Variants in CIBAR2 observed in about 807,000 individuals in gnomAD.
The protein encoded by CIBAR2 is CBY1-interacting BAR domain-containing protein 2.
CIBAR2 carries 38 observed loss-of-function variants against 36.2 expected under a neutral mutation model. That is an observed-to-expected ratio of 1.05 (90% CI 0.81 to 1.38). CIBAR2 has a LOEUF of 1.38. Among genes scored for constraint, CIBAR2 ranks in the 40% most tolerant of loss-of-function variants. The pLI is 0.00. For synonymous variants in CIBAR2, 182 were observed against 149.5 expected, an observed-to-expected ratio of 1.22 and a Z score of -1.58; for missense variants, 481 against 383.4, an observed-to-expected ratio of 1.25 and a Z score of -2.13.
At chr16:85,104,157 G>A (rs1046046431) in intron 6 of CIBAR2, among the ~76,000 whole-genome samples, 7 of 152,248 alleles carry the variant, frequency 4.6e-5, no homozygotes, top group Admixed American at 2.0e-4. Context: ...GGGTCCGGGT[G>A]ACTTTCCCCA....
At chr16:85,110,671 G>A (rs889738070) in intron 1 of CIBAR2, among the ~76,000 whole-genome samples, 1 of 149,674 alleles carries the variant, frequency 6.7e-6, no homozygotes, top group Non-Finnish European at 1.5e-5. Flanking sequence ...TAGTGGGCAG[G>A]AATATAAATG....
chr16:85,110,167 C>T, intron 2 of CIBAR2, 59 bp downstream of exon 2: 3 of 1,362,106 alleles, frequency 2.2e-6, no homozygotes, highest in Non-Finnish European at 3.0e-6. Flanking sequence ...TCAGGCCTGA[C>T]CTTGGCATTG....
rs199920741 is a variant in CIBAR2, at chr16:85,101,060, A to AG, written c.652-821_652-820insC. Among the ~76,000 whole-genome samples the AG allele has an allele frequency of 1.2e-3, 174 of 150,266 alleles. 1 individual carries two copies. The highest frequency in any genetic ancestry group is 1.8e-3 in the African/African-American group (72 of 40,772). On this transcript the variant is annotated intron_variant, in intron 7 of 8. Transcript: ENST00000539556. ...GACTCCGTCTCAAAAAAAAAAAAAAATGGTGACACTCCCTCTTGGAACCAG... is the reference window on the plus strand; with the variant it reads ...GACTCCGTCTCAAAAAAAAAAAAAAAGTGGTGACACTCCCTCTTGGAACCAG...
chr16:85,107,308 G>A (rs1043576810), intron 5 of CIBAR2, among the ~76,000 whole-genome samples: 2 of 152,092 alleles, frequency 1.3e-5, no homozygotes, highest in Non-Finnish European at 2.9e-5. Flanking sequence ...ACAGCATGCG[G>A]GGTCCCTTCC....
chr16:85,105,242 ATGCACACAGACACGTG>A, intron 6 of CIBAR2, 69 bp downstream of exon 6: 1 of 800,426 alleles, frequency 1.2e-6, no homozygotes, highest in Non-Finnish European at 2.1e-6. Flanking sequence ...ATGCTGAAGC[ATGCACACAGACACGTG>A]TACACACGTG....
chr16:85,106,343 G>T (rs1236169067), intron 5 of CIBAR2, among the ~76,000 whole-genome samples: 1 of 152,150 alleles, frequency 6.6e-6, no homozygotes. Context: ...AAAGATGTCT[G>T]CATCCTAATC....
chr16:85,105,072 C>T (rs1417814665), intron 6 of CIBAR2, among the ~76,000 whole-genome samples: 4 of 152,210 alleles, frequency 2.6e-5, no homozygotes, highest in Non-Finnish European at 5.9e-5. Context: ...GGAGCTGGAC[C>T]TAGGGCCACC....
intron 1 of CIBAR2, among the ~76,000 whole-genome samples, chr16:85,111,437 C>T (rs1427386321): frequency 6.6e-6 from 1 of 152,202 alleles, no homozygotes; most frequent in Non-Finnish European, 1.5e-5. Flanking sequence ...AGGGTCCTCA[C>T]AGCCCCTGAT....
At chr16:85,100,783 C>T (rs985513087) in intron 7 of CIBAR2, among the ~76,000 whole-genome samples, 3 of 152,172 alleles carry the variant, frequency 2.0e-5, no homozygotes, top group African/African-American at 7.2e-5. Context: ...CGCGGTGGCT[C>T]ACACCTGTAA....
rs752629671 is a variant in CIBAR2, at chr16:85,110,401, T to C, written c.80A>G (p.Gln27Arg). 1.2e-6 allele frequency: 2 copies of C among 1,613,258 alleles called. No individual in the cohort carries two copies. Among genetic ancestry groups the C allele is most frequent in the East Asian group, 2.2e-5 (1 of 44,860 alleles). The part of the protein sequence containing the change: ...TVANTEKYFG[Q>R]FCSLLAAYTR... ...GTAGGCGGCCAGCAGCGAGCAGAAC[T>C]GCCCAAAGTACTTCTCGGTGTTGGC... The change falls in exon 2 of 9, where the codon CAG becomes CGG. Residue 27 changes from glutamine to arginine, a missense_variant. Gln to Arg is a conservative substitution (Grantham distance 43). Coordinates refer to ENST00000539556, the MANE Select transcript of CIBAR2 (RefSeq NM_198491.3).
chr16:85,098,975 G>A lies in CIBAR2; in HGVS notation c.*210C>T. On this transcript the variant is annotated 3_prime_UTR_variant, in exon 9 of 9. Coordinates refer to ENST00000539556, the MANE Select transcript of CIBAR2 (RefSeq NM_198491.3). ...AACAATCAAAACTTCAGGAAACATT[G>A]GATACACTCACAGAAATGCAAAATG... The A allele has an allele frequency of 1.9e-6, 1 of 516,172 alleles. No homozygotes were observed. The highest frequency in any genetic ancestry group is 3.9e-5 in the South Asian group (1 of 25,612). The allele number at this position is 516,172 out of a possible 1,614,324, so 32.0% of individuals were successfully genotyped here. A position where few individuals can be genotyped will look rare whatever the true frequency, so the allele number is the denominator to read the frequency against.
In CIBAR2 at chr16:85,112,314, C is replaced by G. The variant is rs1263929787; in HGVS notation, c.20+19G>C. 1.2e-6 allele frequency: 2 copies of G among 1,613,558 alleles called. No homozygotes were observed. Among genetic ancestry groups the G allele is most frequent in the Non-Finnish European group, 1.7e-6 (2 of 1,179,618 alleles). ...GACTTCCACCTCCCTCACAGCCAGG[C>G]TGGCGCTGGCCCACTCACCTGGAGA... On this transcript the variant is annotated intron_variant, in intron 1 of 8. Coordinates refer to ENST00000539556, the MANE Select transcript of CIBAR2 (RefSeq NM_198491.3).
chr16:85,100,257 A>G lies in CIBAR2; in HGVS notation c.652-17T>C, dbSNP rs1597663846. The G allele has an allele frequency of 7.3e-7, 1 of 1,378,746 alleles. No individual in the cohort carries two copies. Among genetic ancestry groups the G allele is most frequent in the South Asian group, 1.2e-5 (1 of 84,088 alleles). 85.4% of individuals were successfully genotyped at this position (1,378,746 alleles called of 1,614,324 possible). On this transcript the variant is annotated splice_polypyrimidine_tract_variant and intron_variant, in intron 7 of 8. Transcript: ENST00000539556. ...TCTAAAATCCTGCCGGGGAGAGACC[A>G]GGGTGGGTGGGATCCGATGGGAAAA...
rs1023822785 is a variant in CIBAR2, at chr16:85,107,237, C to G, written c.432+430G>C. 2.6e-5 allele frequency among the ~76,000 whole-genome samples: 4 copies of G among 152,154 alleles called. No individual in the cohort carries two copies. The South Asian group carries it at 8.3e-4, about 32-fold the overall frequency. ...TACAGCAGCGGTGACTAGCCCTCCT[C>G]CAGCTCTCACTCTACCTCCCGGCCC... On this transcript the variant is annotated intron_variant, in intron 5 of 8. Transcript: ENST00000539556.
At position 85,110,443 on chromosome 16, in the gene CIBAR2, A is replaced by C; in HGVS notation, c.38T>G (p.Val13Gly). 6.3e-7 allele frequency: 1 copy of C among 1,597,620 alleles called. No homozygotes were observed. The highest frequency in any genetic ancestry group is 1.4e-5 in the African/African-American group (1 of 74,030). The part of the protein sequence containing the change: ...IVFSRDSQVR[V>G]MENTVANTEK... ...GGTGTTGGCCACGGTATTCTCCATC[A>C]CCCTCACCTGGCTGTCCCTGTGGAG... Residue 13 changes from valine to glycine, a missense_variant, in exon 2 of 9, where the codon GTG (valine) becomes GGG (glycine). Physicochemically the swap from Val to Gly is moderately radical, Grantham distance 109 (BLOSUM62 -3). Transcript: ENST00000539556.
intron 8 of CIBAR2, among the ~76,000 whole-genome samples, chr16:85,099,797 CT>C (rs71386075): frequency 0.34 from 26,199 of 77,478 alleles, 3,810 homozygotes; most frequent in Admixed American, 0.44. Context: ...CTAATTTTTG[CT>C]TTTTTTTTTT....
In CIBAR2 at chr16:85,101,948, G is replaced by A. The variant is rs1045073991; in HGVS notation, c.651+266C>T. Reference sequence around the variant, plus strand: ...CTCCCAAAGTGCTGGGATTACGGGCGTGAACCACCATGCCCCCGCCGATCC... The same window carrying A: ...CTCCCAAAGTGCTGGGATTACGGGCATGAACCACCATGCCCCCGCCGATCC... On this transcript the variant is annotated intron_variant, in intron 7 of 8. Coordinates refer to ENST00000539556, the MANE Select transcript of CIBAR2 (RefSeq NM_198491.3). 3.9e-5 allele frequency among the ~76,000 whole-genome samples: 6 copies of A among 152,250 alleles called. No individual in the cohort carries two copies. In the South Asian group the frequency reaches 6.2e-4, roughly 16 times the overall value.
chr16:85,099,993 T>A, intron 8 of CIBAR2, 146 bp downstream of exon 8: 1 of 638,620 alleles, frequency 1.6e-6, no homozygotes, highest in Admixed American at 3.0e-5. Flanking sequence ...CAGCCCTCCA[T>A]GCTCCCACCA....
chr16:85,100,023 C>T, intron 8 of CIBAR2, 116 bp downstream of exon 8: 1 of 770,234 alleles, frequency 1.3e-6, no homozygotes, highest in Non-Finnish European at 2.1e-6. Context: ...CCTCAGCCTC[C>T]CATTTCAAAT....
Sources: gnomAD v4.1 joint callset for allele counts (sites outside exome capture counted in the v4.1 genomes callset) on GRCh38, gnomAD v4.1.1 for gene constraint, MANE v1.5 for transcripts, NCBI Gene and HGNC (gene_info 2026-07-23, HGNC 2026-07-21) for gene names.